The following SCHIP1 variants were observed in gnomAD, a reference collection of about 807,000 sequenced individuals.
SCHIP1 encodes schwannomin interacting protein 1.
A neutral mutation model predicts 29.7 loss-of-function variants in SCHIP1; 8 were observed. The observed-to-expected ratio is 0.27, with a 90% CI of 0.16 to 0.49. SCHIP1 has a LOEUF of 0.49. Among genes scored for constraint, SCHIP1 ranks in the 20% least tolerant of loss-of-function variants. The pLI is 0.99. For synonymous variants in SCHIP1, 76 were observed against 94.9 expected, an observed-to-expected ratio of 0.80 and a Z score of 1.16; for missense variants, 193 against 294.6, an observed-to-expected ratio of 0.66 and a Z score of 2.52.
chr3:159,504,481 T>C, the SCHIP1 span, among the ~76,000 whole-genome samples: 1 of 152,310 alleles, frequency 6.6e-6, no homozygotes, highest in Admixed American at 6.5e-5. Flanking sequence ...TAAATCTTCA[T>C]ACATTCAACA....
chr3:159,418,848 A>C, the SCHIP1 span, among the ~76,000 whole-genome samples: 2 of 152,162 alleles, frequency 1.3e-5, no homozygotes, highest in African/African-American at 4.8e-5. Context: ...CTTTCATAAA[A>C]TTCTCTCCTC....
the SCHIP1 span, chr3:159,375,712 G>T: frequency 2.7e-6 from 2 of 739,526 alleles, no homozygotes; most frequent in African/African-American, 4.1e-5. Context: ...ACTCCAGCCT[G>T]GGCAAAACTC....
At chr3:159,515,007 G>A in the SCHIP1 span, among the ~76,000 whole-genome samples, 5 of 152,010 alleles carry the variant, frequency 3.3e-5, no homozygotes, top group Non-Finnish European at 5.9e-5. Context: ...TATATCCAGT[G>A]TATCAGGAAA....
the SCHIP1 span, among the ~76,000 whole-genome samples, chr3:159,353,584 T>C: frequency 1.3e-5 from 2 of 152,198 alleles, no homozygotes; most frequent in Non-Finnish European, 2.9e-5. Context: ...CTTACTTGTC[T>C]GTCGTATACA....
chr3:159,486,613 C>T, the SCHIP1 span, among the ~76,000 whole-genome samples: 1 of 152,220 alleles, frequency 6.6e-6, no homozygotes, highest in East Asian at 1.9e-4. Context: ...AGAAGGCACT[C>T]CCTCAGGAAG....
At chr3:159,413,404 A>G in the SCHIP1 span, among the ~76,000 whole-genome samples, 1 of 152,170 alleles carries the variant, frequency 6.6e-6, no homozygotes, top group Non-Finnish European at 1.5e-5. Context: ...GAACTTTTAA[A>G]ACCTTTGTAC....
chr3:159,472,632 T>TAGACAAAAAAG, the SCHIP1 span, among the ~76,000 whole-genome samples: 1 of 152,174 alleles, frequency 6.6e-6, no homozygotes, highest in Non-Finnish European at 1.5e-5. Flanking sequence ...TCAAAAATGT[T>TAGACAAAAAAG]TAAGTAGAAG....
the SCHIP1 span, among the ~76,000 whole-genome samples, chr3:159,338,519 T>C: frequency 6.6e-6 from 1 of 152,110 alleles, no homozygotes; most frequent in African/African-American, 2.4e-5. Context: ...TTAATGATTT[T>C]GGGTTTTGTT....
At chr3:159,428,236 G>C in the SCHIP1 span, among the ~76,000 whole-genome samples, 1 of 152,150 alleles carries the variant, frequency 6.6e-6, no homozygotes, top group Admixed American at 6.5e-5. Flanking sequence ...AGCAAAAGAA[G>C]CTACCGTCAG....
chr3:159,656,252 A>G, the SCHIP1 span, among the ~76,000 whole-genome samples: 1 of 152,160 alleles, frequency 6.6e-6, no homozygotes, highest in African/African-American at 2.4e-5. Flanking sequence ...CAAACATCCT[A>G]TGAGTAGGAA....
At chr3:159,545,990 G>T in the SCHIP1 span, among the ~76,000 whole-genome samples, 1 of 151,848 alleles carries the variant, frequency 6.6e-6, no homozygotes, top group African/African-American at 2.4e-5. Context: ...TATTTTATAA[G>T]ATGTATTTAT....
At chr3:159,428,527 A>G in the SCHIP1 span, among the ~76,000 whole-genome samples, 4 of 152,200 alleles carry the variant, frequency 2.6e-5, no homozygotes, top group Admixed American at 1.3e-4. Context: ...AATGGCAATC[A>G]TTAAAAGGTC....
the SCHIP1 span, among the ~76,000 whole-genome samples, chr3:159,359,962 C>T: frequency 6.6e-6 from 1 of 152,208 alleles, no homozygotes; most frequent in Non-Finnish European, 1.5e-5. Context: ...TGTACTCTCC[C>T]TTGTTTGTTA....
the SCHIP1 span, among the ~76,000 whole-genome samples, chr3:159,597,272 A>G: frequency 6.6e-6 from 1 of 152,186 alleles, no homozygotes; most frequent in Non-Finnish European, 1.5e-5. Context: ...TGTAATGTAT[A>G]TATAATATGT....
chr3:159,287,910 G>C, the SCHIP1 span, among the ~76,000 whole-genome samples: 1 of 152,126 alleles, frequency 6.6e-6, no homozygotes, highest in Non-Finnish European at 1.5e-5. Flanking sequence ...ATTGTTTTCT[G>C]TAGGGTTCAA....
the SCHIP1 span, among the ~76,000 whole-genome samples, chr3:159,771,474 T>TA: frequency 2.0e-5 from 3 of 152,222 alleles, no homozygotes; most frequent in East Asian, 3.8e-4. Flanking sequence ...ATGACAGTGT[T>TA]AAAATTTTTT....
the SCHIP1 span, among the ~76,000 whole-genome samples, chr3:159,505,867 A>T: frequency 6.6e-6 from 1 of 152,166 alleles, no homozygotes. Context: ...AATCCAGTCT[A>T]TCATTGTTGG....
chr3:159,519,872 T>A, the SCHIP1 span, among the ~76,000 whole-genome samples: 4,930 of 135,078 alleles, frequency 0.036, 122 homozygotes, highest in African/African-American at 0.082. Context: ...AAAAAAAAAA[T>A]ATATATATAT....
chr3:159,773,050 A>T, the SCHIP1 span, among the ~76,000 whole-genome samples: 1 of 152,200 alleles, frequency 6.6e-6, no homozygotes, highest in Non-Finnish European at 1.5e-5. Context: ...CTACATTTGC[A>T]CTTTAAAATA....
Sources: allele counts gnomAD v4.1 joint callset (sites outside exome capture counted in the v4.1 genomes callset), GRCh38; gene constraint gnomAD v4.1.1; transcripts MANE v1.5; gene names NCBI Gene and HGNC (gene_info 2026-07-23, HGNC 2026-07-21).